GGTA1: variants seen among roughly 807,000 people sequenced by gnomAD.
GGTA1 encodes inactive N-acetyllactosaminide alpha-1,3-galactosyltransferase.
GGTA1 carries 5 observed loss-of-function variants against 2.6 expected under a neutral mutation model. That is an observed-to-expected ratio of 1.92 (90% CI 1.00 to 4.04). The LOEUF (loss-of-function observed/expected upper bound fraction) is 4.04. Among genes scored for constraint, GGTA1 ranks in the 30% most tolerant of loss-of-function variants. GGTA1 has a pLI of 0.00. For synonymous variants in GGTA1, 17 were observed against 5.0 expected, an observed-to-expected ratio of 3.38 and a Z score of -3.19; for missense variants, 50 against 16.7, an observed-to-expected ratio of 2.99 and a Z score of -3.47.
At chr9:121,468,110 G>T (rs1355577091) in intron 1 of GGTA1, among the ~76,000 whole-genome samples, 179 bp from the exon 2 acceptor site, 1 of 152,138 alleles carries the variant, frequency 6.6e-6, no homozygotes, top group Non-Finnish European at 1.5e-5. Flanking sequence ...GTGCCATGGT[G>T]GTGCACCCAG....
intron 1 of GGTA1, among the ~76,000 whole-genome samples, chr9:121,479,739 A>ACTC (rs1828597626): frequency 6.6e-6 from 1 of 152,194 alleles, no homozygotes; most frequent in African/African-American, 2.4e-5. Context: ...AGGAGTGGAC[A>ACTC]AAGGGCTATC....
In GGTA1 at chr9:121,460,220, CTAAGTACAAAG is replaced by C. The variant is rs2064948749; in HGVS notation, c.183-12_183-2del. 2.2e-6 allele frequency: 1 copy of C among 456,950 alleles called. No homozygotes were observed. The highest frequency in any genetic ancestry group is 4.4e-6 in the Non-Finnish European group (1 of 227,070). The allele number at this position is 456,950 out of a possible 1,614,324, so 28.3% of individuals were successfully genotyped here. ...TTCCCCTTGTTGATAATTGTGGATC[CTAAGTACAAAG>C]GGAAAGTAAACCAGGTAAGGCAGGG... On this transcript the variant is annotated splice_acceptor_variant and splice_polypyrimidine_tract_variant and intron_variant, in intron 4 of 5. Transcript: ENST00000481799. LOFTEE classifies it high-confidence loss of function.
intron 1 of GGTA1, among the ~76,000 whole-genome samples, chr9:121,480,637 C>G (rs994138528): frequency 1.3e-5 from 2 of 152,174 alleles, no homozygotes; most frequent in Non-Finnish European, 2.9e-5. Context: ...GCCTCTTCCT[C>G]CCGTTCCCCA....
chr9:121,462,474 A>G (rs1373829388), intron 3 of GGTA1, among the ~76,000 whole-genome samples: 2 of 152,208 alleles, frequency 1.3e-5, no homozygotes, highest in African/African-American at 4.8e-5. Flanking sequence ...TTTAAAGCCT[A>G]TTAACTCTTG....
exon 8 of GGTA1, chr9:121,445,430 A>AAGCT (rs1172847164): frequency 6.6e-6 from 1 of 152,242 alleles, no homozygotes; most frequent in Non-Finnish European, 1.5e-5. Context: ...TTTATCAAAG[A>AAGCT]AGCTCATTGC....
rs2064901103 is a variant in GGTA1 at position 121,455,264 on chromosome 9, C to G, written c.*573G>C. On this transcript the variant is annotated 3_prime_UTR_variant, in exon 6 of 6. Transcript: ENST00000481799. ...TGTAACCATTTCTGAACTTAAAACT[C>G]TCTTGTTCGTTACACCTCATTCATT... The G allele has an allele frequency of 6.6e-6, 1 of 152,214 alleles. No homozygotes were observed. Among genetic ancestry groups the G allele is most frequent in the Admixed American group, 6.5e-5 (1 of 15,278 alleles). 9.4% of individuals were successfully genotyped at this position (152,214 alleles called of 1,614,324 possible).
intron 1 of GGTA1, among the ~76,000 whole-genome samples, chr9:121,484,713 C>T (rs548130368): frequency 3.3e-5 from 5 of 152,244 alleles, no homozygotes; most frequent in East Asian, 3.9e-4. Flanking sequence ...TAAATGTGAG[C>T]GATACTTTCC....
At chr9:121,479,055 G>C (rs1263044646) in intron 1 of GGTA1, 1 of 456,420 alleles carries the variant, frequency 2.2e-6, no homozygotes, top group Non-Finnish European at 4.4e-6. Flanking sequence ...GCAAAATAAA[G>C]CTGAACTTAC....
chr9:121,457,174 T>C (rs2064918614), intron 5 of GGTA1, among the ~76,000 whole-genome samples: 1 of 152,152 alleles, frequency 6.6e-6, no homozygotes, highest in South Asian at 2.1e-4. Context: ...GGAAAAGGTC[T>C]CCCAGACTGT....
chr9:121,469,901 T>C (rs1441319693), intron 1 of GGTA1, among the ~76,000 whole-genome samples: 1 of 152,150 alleles, frequency 6.6e-6, no homozygotes, highest in Non-Finnish European at 1.5e-5. Flanking sequence ...TAAAGCCCTC[T>C]GAAATTACTC....
At chr9:121,498,435 A>G (rs1829034749) in intron 1 of GGTA1, among the ~76,000 whole-genome samples, 1 of 152,244 alleles carries the variant, frequency 6.6e-6, no homozygotes, top group African/African-American at 2.4e-5. Flanking sequence ...ACAGAAATGC[A>G]GCAGAATAAC....
At chr9:121,472,433 T>C (rs1176983343) in intron 1 of GGTA1, among the ~76,000 whole-genome samples, 2 of 151,980 alleles carry the variant, frequency 1.3e-5, no homozygotes, top group African/African-American at 4.9e-5. Flanking sequence ...CTAGTTCTTA[T>C]TACTGATAGC....
chr9:121,465,408 T>C (rs924598055), intron 2 of GGTA1, among the ~76,000 whole-genome samples: 1 of 152,250 alleles, frequency 6.6e-6, no homozygotes, highest in Non-Finnish European at 1.5e-5. Flanking sequence ...TTCTGCCCTC[T>C]GGAGCAGATC....
chr9:121,460,718 G>A (rs184715874), intron 4 of GGTA1, among the ~76,000 whole-genome samples: 109 of 152,174 alleles, frequency 7.2e-4, no homozygotes, highest in Admixed American at 2.0e-3. Context: ...GGTGGCGGGC[G>A]CCTGTAATCC....
At chr9:121,459,043 T>C (rs1007853099) in intron 5 of GGTA1, among the ~76,000 whole-genome samples, 3 of 152,224 alleles carry the variant, frequency 2.0e-5, no homozygotes, top group African/African-American at 7.2e-5. Context: ...AAATGACATA[T>C]GGGAAGCCAA....
rs577258181 is a variant in GGTA1 at position 121,472,071 on chromosome 9, GA to G, written c.-9-4141del. On this transcript the variant is annotated intron_variant, in intron 1 of 5. Coordinates refer to ENST00000481799, the MANE Select transcript of GGTA1 (RefSeq NM_001382585.1). Reference sequence around the variant, plus strand: ...CTCATCAACAACTCCAGAAAGCTCTGAAAACCCAACACCTTTTTGTAATTCA... The same window carrying G: ...CTCATCAACAACTCCAGAAAGCTCTGAAACCCAACACCTTTTTGTAATTCA... Among the ~76,000 whole-genome samples the G allele has an allele frequency of 1.0e-3, 153 of 152,284 alleles. 1 individual carries two copies. Among genetic ancestry groups the G allele is most frequent in the Middle Eastern group, 3.4e-3 (1 of 294 alleles).
chr9:121,496,783 C>T (rs1829004782), intron 1 of GGTA1, among the ~76,000 whole-genome samples: 1 of 133,406 alleles, frequency 7.5e-6, no homozygotes, highest in Non-Finnish European at 1.6e-5. Flanking sequence ...CTTGAATGAA[C>T]CTAGGGGGCA....
intron 1 of GGTA1, among the ~76,000 whole-genome samples, chr9:121,470,111 T>C (rs910201650): frequency 6.6e-6 from 1 of 152,216 alleles, no homozygotes; most frequent in African/African-American, 2.4e-5. Context: ...ATAAACATTG[T>C]TTTTTCCTGA....
At chr9:121,492,457 TTTTATTTTATTTTATTTTA>T (rs1416101315) in intron 1 of GGTA1, among the ~76,000 whole-genome samples, 2 of 151,978 alleles carry the variant, frequency 1.3e-5, no homozygotes, top group Non-Finnish European at 2.9e-5. Flanking sequence ...AGTTCAGGTA[TTTTATTTTATTTTATTTTA>T]TTTATTTTAT....
Sources: gnomAD v4.1 joint callset for allele counts (sites outside exome capture counted in the v4.1 genomes callset) on GRCh38, gnomAD v4.1.1 for gene constraint, MANE v1.5 for transcripts, NCBI Gene and HGNC (gene_info 2026-07-23, HGNC 2026-07-21) for gene names.